The following APP variants were observed in gnomAD, a reference collection of about 807,000 sequenced individuals.
The protein encoded by APP is amyloid beta precursor protein.
APP carries 31 observed loss-of-function variants against 101.4 expected under a neutral mutation model. The ratio of observed to expected loss-of-function variants is 0.31; its 90% CI spans 0.23 to 0.41. The LOEUF (loss-of-function observed/expected upper bound fraction) is 0.41. Among genes scored for constraint, APP ranks in the 10% least tolerant of loss-of-function variants. APP has a pLI of 1.00. For synonymous variants in APP, 366 were observed against 364.4 expected (o/e 1.00, Z -0.05); for missense variants, 839 against 1,003.7 (o/e 0.84, Z 2.22).
intron 5 of APP, among the ~76,000 whole-genome samples, chr21:26,038,530 GAGGC>G (rs1411849688): frequency 6.6e-6 from 1 of 152,120 alleles, no homozygotes; most frequent in Non-Finnish European, 1.5e-5. Flanking sequence ...TTGGGAGCCC[GAGGC>G]AGGCGGATCA....
intron 3 of APP, among the ~76,000 whole-genome samples, chr21:26,077,442 C>T (rs1056372550): frequency 2.6e-5 from 4 of 152,082 alleles, no homozygotes; most frequent in South Asian, 2.1e-4. Context: ...TATCTTACAA[C>T]GCTGTTATTT....
At chr21:25,942,949 A>G (rs544046109) in intron 13 of APP, 11 of 152,008 alleles carry the variant, frequency 7.2e-5, no homozygotes, top group African/African-American at 2.4e-4. Flanking sequence ...TTAAACACTA[A>G]CTCCACAGTC....
chr21:26,121,131 A>G (rs898333636), intron 1 of APP, among the ~76,000 whole-genome samples: 21 of 152,218 alleles, frequency 1.4e-4, no homozygotes, highest in African/African-American at 5.1e-4. Flanking sequence ...CATGTGGCAG[A>G]GTCAGCACCA....
At chr21:25,920,952 T>C (rs1237456614) in intron 13 of APP, among the ~76,000 whole-genome samples, 37 of 143,924 alleles carry the variant, frequency 2.6e-4, no homozygotes, top group Non-Finnish European at 2.4e-4. Context: ...ACCACACCTA[T>C]TCCAAAATTG....
rs115416743 is a variant in APP at position 26,011,018 on chromosome 21, C to G, written c.865+10822G>C. ...TCCAGCCTGGGCGACAGCAAGACTC[C>G]GTCTTTGGGGGATGAGACACAGTAT... On this transcript the variant is annotated intron_variant, in intron 6 of 17. Coordinates refer to ENST00000346798, the MANE Select transcript of APP (RefSeq NM_000484.4). 1.0e-3 allele frequency among the ~76,000 whole-genome samples: 152 copies of G among 151,824 alleles called. 1 individual carries two copies. The highest frequency in any genetic ancestry group is 3.6e-3 in the African/African-American group (150 of 41,444).
rs146840597 is a variant in APP, at chr21:26,043,717, C to T, written c.662+7283G>A. 9.9e-5 allele frequency among the ~76,000 whole-genome samples: 15 copies of T among 152,264 alleles called. 1 individual carries two copies. In the East Asian group the frequency reaches 2.7e-3, roughly 27 times the overall value. On this transcript the variant is annotated intron_variant, in intron 5 of 17. Coordinates refer to ENST00000346798, the MANE Select transcript of APP (RefSeq NM_000484.4). Reference sequence around the variant, plus strand: ...TTTTCCTGCATCAGGTTGTACAGGCCTCATAATAAATGTAAATTCTTGGTA... The same window carrying T: ...TTTTCCTGCATCAGGTTGTACAGGCTTCATAATAAATGTAAATTCTTGGTA...
chr21:26,120,979 C>T (rs542144969), intron 1 of APP, among the ~76,000 whole-genome samples: 1 of 96 alleles, frequency 0.01, no homozygotes, highest in East Asian at 0.25. Flanking sequence ...GGGCTCTTGC[C>T]ACACGTAGGC....
At chr21:26,053,776 A>C (rs1180016952) in intron 3 of APP, among the ~76,000 whole-genome samples, 1 of 152,208 alleles carries the variant, frequency 6.6e-6, no homozygotes, top group African/African-American at 2.4e-5. Flanking sequence ...GCTTGTAAGT[A>C]ACAGAAATTT....
At chr21:26,064,401 T>C (rs2046379935) in intron 3 of APP, among the ~76,000 whole-genome samples, 1 of 152,194 alleles carries the variant, frequency 6.6e-6, no homozygotes, top group African/African-American at 2.4e-5. Flanking sequence ...TTTAAAACTG[T>C]TGTAAAATAT....
intron 3 of APP, 177 bp downstream of exon 3, chr21:26,089,766 T>C (rs2061782235): frequency 8.4e-6 from 7 of 833,150 alleles, no homozygotes; most frequent in Non-Finnish European, 1.3e-5. Context: ...TCAAAAATAC[T>C]GCTCCTATAG....
At chr21:25,894,370 T>C (rs1156261496) in intron 16 of APP, among the ~76,000 whole-genome samples, 1 of 152,206 alleles carries the variant, frequency 6.6e-6, no homozygotes, top group African/African-American at 2.4e-5. Context: ...TAGCGATTCC[T>C]CTAATGGATC....
At chr21:25,952,182 T>TTACA (rs1044048008) in intron 13 of APP, among the ~76,000 whole-genome samples, 2 of 124,828 alleles carry the variant, frequency 1.6e-5, no homozygotes, top group Non-Finnish European at 3.6e-5. Flanking sequence ...TGAGAGCATA[T>TTACA]TACATACATA....
chr21:26,001,213 C>T (rs1233216029), intron 6 of APP, among the ~76,000 whole-genome samples: 1 of 152,194 alleles, frequency 6.6e-6, no homozygotes, highest in East Asian at 1.9e-4. Flanking sequence ...GCCACCCTCC[C>T]CAAGATCAGT....
At chr21:26,125,220 G>A (rs925628601) in intron 1 of APP, among the ~76,000 whole-genome samples, 1 of 152,190 alleles carries the variant, frequency 6.6e-6, no homozygotes. Flanking sequence ...TCCAAAGCAA[G>A]CAAGAGCAGC....
intron 1 of APP, among the ~76,000 whole-genome samples, chr21:26,159,661 T>C (rs1280954073): frequency 6.6e-6 from 1 of 152,230 alleles, no homozygotes; most frequent in Non-Finnish European, 1.5e-5. Flanking sequence ...TCGCATGTGA[T>C]AATAAATTCT....
intron 3 of APP, chr21:26,089,469 A>G (rs933862790): frequency 4.1e-5 from 6 of 144,598 alleles, no homozygotes; most frequent in African/African-American, 1.0e-4. Context: ...CTCTACTATC[A>G]CCAAATAAGA....
At chr21:25,957,862 C>T (rs1273285087) in intron 11 of APP, among the ~76,000 whole-genome samples, 1 of 152,036 alleles carries the variant, frequency 6.6e-6, no homozygotes, top group Non-Finnish European at 1.5e-5. Context: ...CACATGCCTG[C>T]AGTTCCAGCT....
chr21:26,168,050 A>G (rs2063655974), intron 1 of APP, among the ~76,000 whole-genome samples: 5 of 152,222 alleles, frequency 3.3e-5, no homozygotes, highest in Non-Finnish European at 5.9e-5. Context: ...TGACTAGGTT[A>G]AACCCTCAAC....
chr21:26,126,747 C>T (rs763372938), intron 1 of APP, among the ~76,000 whole-genome samples: 7 of 152,088 alleles, frequency 4.6e-5, no homozygotes, highest in Non-Finnish European at 2.9e-5. Context: ...CTCAAAATGT[C>T]AGTAATTCCC....
Sources: allele counts gnomAD v4.1 joint callset (sites outside exome capture counted in the v4.1 genomes callset), GRCh38; gene constraint gnomAD v4.1.1; transcripts MANE v1.5; gene names NCBI Gene and HGNC (gene_info 2026-07-23, HGNC 2026-07-21).